The following ZC3H18 variants were observed in gnomAD, a reference collection of about 807,000 sequenced individuals.
ZC3H18 encodes the protein zinc finger CCCH-type containing 18.
ZC3H18 carries 8 observed loss-of-function variants against 106.1 expected under a neutral mutation model. The observed-to-expected ratio is 0.08, with a 90% confidence interval of 0.04 to 0.14. The LOEUF (loss-of-function observed/expected upper bound fraction) is 0.14. Ranked by LOEUF, ZC3H18 falls within the 10% of genes least tolerant of loss-of-function variation. The pLI, the probability that ZC3H18 is intolerant of heterozygous loss-of-function variation, is 1.00. For synonymous variants in ZC3H18, 635 were observed against 522.1 expected (o/e 1.22, Z -2.95); for missense variants, 1,318 against 1,278.4 (o/e 1.03, Z -0.47).
At chr16:88,617,512 A>C (rs904626598) in intron 8 of ZC3H18, among the ~76,000 whole-genome samples, 2 of 152,184 alleles carry the variant, frequency 1.3e-5, no homozygotes, top group Non-Finnish European at 2.9e-5. Context: ...GCACGTCATT[A>C]CGATGCTCTT....
In ZC3H18 at chr16:88,628,851, C is replaced by A. The variant is rs372070980; in HGVS notation, c.2563C>A (p.Arg855=). 9.3e-6 allele frequency: 15 copies of A among 1,613,864 alleles called. No individual in the cohort carries two copies. In the South Asian group the frequency reaches 1.6e-4, roughly 18 times the overall value. Residue 855 remains arginine (R), a synonymous_variant, in exon 16 of 18, where the codon CGA becomes AGA. Transcript: ENST00000301011. ...PAKRPNTSPD[R]GSRDRKSGGR... ...CAAGCGGCCCAACACATCCCCAGAC[C>A]GAGGTGAGCCTCCCAGCCCCTAGGG...
intron 10 of ZC3H18, 103 bp from the exon 11 acceptor site, chr16:88,623,853 GGA>G: frequency 6.8e-7 from 1 of 1,474,844 alleles, no homozygotes; most frequent in Non-Finnish European, 9.0e-7. Flanking sequence ...GCACATAAAT[GGA>G]AATTCGTGGC....
intron 8 of ZC3H18, among the ~76,000 whole-genome samples, chr16:88,618,765 G>C (rs1905778040): frequency 6.6e-6 from 1 of 152,226 alleles, no homozygotes. Flanking sequence ...TACTTCCTCA[G>C]TCAGAGGTCA....
chr16:88,622,668 A>G, intron 9 of ZC3H18: 1 of 430,180 alleles, frequency 2.3e-6, no homozygotes, highest in South Asian at 3.3e-5. Context: ...AGGGAGGGGC[A>G]CCTGGATGCG....
At chr16:88,594,738 C>A (rs905150607) in intron 3 of ZC3H18, among the ~76,000 whole-genome samples, 2 of 152,234 alleles carry the variant, frequency 1.3e-5, no homozygotes, top group African/African-American at 4.8e-5. Context: ...TGGTCAACTT[C>A]ACAGTGTACC....
At chr16:88,581,125 G>T (rs1338373717) in intron 2 of ZC3H18, among the ~76,000 whole-genome samples, 2 of 152,142 alleles carry the variant, frequency 1.3e-5, no homozygotes, top group African/African-American at 4.8e-5. Flanking sequence ...GTTTGATTTG[G>T]CATTCTTTTC....
At chr16:88,610,449 G>A (rs944573783) in intron 7 of ZC3H18, among the ~76,000 whole-genome samples, 2 of 152,228 alleles carry the variant, frequency 1.3e-5, no homozygotes, top group African/African-American at 2.4e-5. Flanking sequence ...CAGGTGGGCT[G>A]CAGGGTCCTG....
chr16:88,599,738 A>G (rs773233456), intron 5 of ZC3H18, 53 bp from the exon 6 acceptor site: 3 of 1,565,550 alleles, frequency 1.9e-6, no homozygotes, highest in Non-Finnish European at 2.6e-6. Flanking sequence ...GTTTCCTAAC[A>G]GCGACGCCCG....
chr16:88,631,356 T>G lies in ZC3H18; in HGVS notation c.*57T>G. On this transcript the variant is annotated 3_prime_UTR_variant, in exon 18 of 18. Transcript: ENST00000301011. ...ATACATAGGGTAAGCGCAGCCATTTTGGATTTTGCAGTTAATGTCTTATTT... is the reference window on the plus strand; with the variant it reads ...ATACATAGGGTAAGCGCAGCCATTTGGGATTTTGCAGTTAATGTCTTATTT... 6.5e-7 allele frequency: 1 copy of G among 1,547,178 alleles called. No individual in the cohort carries two copies. Among genetic ancestry groups the G allele is most frequent in the Non-Finnish European group, 8.7e-7 (1 of 1,144,542 alleles).
chr16:88,596,114 C>T (rs931752119), intron 3 of ZC3H18, among the ~76,000 whole-genome samples: 11 of 152,180 alleles, frequency 7.2e-5, no homozygotes, highest in Non-Finnish European at 1.5e-4. Flanking sequence ...TGAACACTGT[C>T]ACCCACTAGT....
chr16:88,575,926 A>T (rs1417722372), intron 1 of ZC3H18, among the ~76,000 whole-genome samples: 1 of 151,986 alleles, frequency 6.6e-6, no homozygotes, highest in East Asian at 1.9e-4. Flanking sequence ...TTTGAGACGG[A>T]GTCTCACTCT....
At chr16:88,582,168 C>G (rs928267735) in intron 2 of ZC3H18, among the ~76,000 whole-genome samples, 1 of 150,662 alleles carries the variant, frequency 6.6e-6, no homozygotes, top group Non-Finnish European at 1.5e-5. Flanking sequence ...TTTCTTTGCA[C>G]ATGGTCTTTA....
intron 3 of ZC3H18, among the ~76,000 whole-genome samples, chr16:88,590,517 A>G (rs141166359): frequency 6.2e-4 from 94 of 150,710 alleles, no homozygotes; most frequent in African/African-American, 2.1e-3. Context: ...ACAGAGGAGT[A>G]AGTAGCATCT....
chr16:88,631,430 C>A lies in ZC3H18; in HGVS notation c.*131C>A. On this transcript the variant is annotated 3_prime_UTR_variant, in exon 18 of 18. Transcript: ENST00000301011. ...TAAAAAAGAAAAAAAAGTTTCTCAG[C>A]TGGAAAAGAAGCCACACAGGAAATG... 1.5e-6 allele frequency: 2 copies of A among 1,305,092 alleles called. No individual in the cohort carries two copies. The highest frequency in any genetic ancestry group is 2.1e-6 in the Non-Finnish European group (2 of 954,552). 80.8% of individuals were successfully genotyped at this position (1,305,092 alleles called of 1,614,324 possible).
chr16:88,570,850 T>G (rs1272507773), intron 1 of ZC3H18, among the ~76,000 whole-genome samples: 2 of 152,314 alleles, frequency 1.3e-5, no homozygotes, highest in East Asian at 3.9e-4. Flanking sequence ...GAGTTTATTT[T>G]CCTGAAGCTG....
chr16:88,617,431 A>C (rs1355072091), intron 8 of ZC3H18, among the ~76,000 whole-genome samples: 1 of 152,194 alleles, frequency 6.6e-6, no homozygotes, highest in South Asian at 2.1e-4. Flanking sequence ...GCATCTGTAG[A>C]GCTAAGGGGG....
intron 3 of ZC3H18, among the ~76,000 whole-genome samples, chr16:88,597,774 C>T (rs1177297092): frequency 6.6e-6 from 1 of 152,234 alleles, no homozygotes; most frequent in Non-Finnish European, 1.5e-5. Context: ...TAATGCTTCT[C>T]ATTGATGTCT....
At chr16:88,617,336 G>C (rs1234213411) in intron 8 of ZC3H18, among the ~76,000 whole-genome samples, 2 of 152,150 alleles carry the variant, frequency 1.3e-5, no homozygotes, top group Non-Finnish European at 2.9e-5. Flanking sequence ...CTCCGTCCTA[G>C]TTTGCCTTTT....
chr16:88,578,223 G>C (rs1914884083), intron 2 of ZC3H18, among the ~76,000 whole-genome samples: 1 of 152,180 alleles, frequency 6.6e-6, no homozygotes, highest in Non-Finnish European at 1.5e-5. Context: ...CTCTGGAGAG[G>C]GCACCAGCTG....
Sources: allele counts gnomAD v4.1 joint callset (sites outside exome capture counted in the v4.1 genomes callset), GRCh38; gene constraint gnomAD v4.1.1; transcripts MANE v1.5; gene names NCBI Gene and HGNC (gene_info 2026-07-23, HGNC 2026-07-21).